DORIP1: variants seen among roughly 807,000 people sequenced by gnomAD.
DORIP1 encodes dopamine receptor interacting protein 1, also known as dopamine receptor-interacting protein 1.
chr14:44,905,511 CTTG>C, the DORIP1 span: 923 of 1,542,236 alleles, frequency 6.0e-4, 1 homozygote, highest in Admixed American at 2.5e-3. Flanking sequence ...AGTTTCTCCT[CTTG>C]TCATCATTGG....
At chr14:44,904,487 A>G in the DORIP1 span, 2 of 1,611,894 alleles carry the variant, frequency 1.2e-6, no homozygotes, top group Non-Finnish European at 1.7e-6. Flanking sequence ...AAATCTGAAG[A>G]TCTGGCGTAT....
chr14:44,899,050 A>G, the DORIP1 span: 20 of 152,148 alleles, frequency 1.3e-4, no homozygotes, highest in Non-Finnish European at 2.1e-4. Context: ...CCCTTTTTTC[A>G]TAACAATACT....
chr14:44,899,958 A>G, the DORIP1 span, among the ~76,000 whole-genome samples: 6 of 150,772 alleles, frequency 4.0e-5, no homozygotes, highest in African/African-American at 1.5e-4. Context: ...CAGCCTCCCG[A>G]GTAGCTGGGA....
At chr14:44,906,168 T>G in the DORIP1 span, 1 of 151,760 alleles carries the variant, frequency 6.6e-6, no homozygotes, top group Non-Finnish European at 1.5e-5. Flanking sequence ...TTTTAACTAC[T>G]TCCTAAAGTA....
chr14:44,904,605 C>T, the DORIP1 span: 2 of 1,331,336 alleles, frequency 1.5e-6, no homozygotes, highest in Non-Finnish European at 2.0e-6. Context: ...TTTTGACTAG[C>T]CCTTAAGAGA....
At chr14:44,897,950 T>C in the DORIP1 span, among the ~76,000 whole-genome samples, 14 of 152,228 alleles carry the variant, frequency 9.2e-5, no homozygotes, top group African/African-American at 3.1e-4. Flanking sequence ...CCTTAGGGAG[T>C]CTGGCGTTCA....
the DORIP1 span, chr14:44,904,557 TAA>T: frequency 6.5e-7 from 1 of 1,542,058 alleles, no homozygotes; most frequent in Middle Eastern, 1.8e-4. Context: ...TGTTTCTTTA[TAA>T]AACTAATAAA....
At chr14:44,902,736 AC>A in the DORIP1 span, among the ~76,000 whole-genome samples, 2 of 152,108 alleles carry the variant, frequency 1.3e-5, no homozygotes, top group African/African-American at 2.4e-5. Flanking sequence ...ATACTCTATA[AC>A]TTTTAAGTTT....
At chr14:44,904,721 T>C in the DORIP1 span, 4 of 544,166 alleles carry the variant, frequency 7.4e-6, no homozygotes, top group African/African-American at 7.8e-5. Flanking sequence ...TGGGTAGGTG[T>C]GTGGACTACA....
At chr14:44,903,261 A>T in the DORIP1 span, 20 of 1,613,454 alleles carry the variant, frequency 1.2e-5, 1 homozygote, top group South Asian at 2.1e-4. Flanking sequence ...TGAATGAGTT[A>T]TTCTGTTCCA....
At chr14:44,905,586 C>A in the DORIP1 span, 1 of 1,369,574 alleles carries the variant, frequency 7.3e-7, no homozygotes, top group South Asian at 1.7e-5. Flanking sequence ...TTCCCTCCTG[C>A]CCATGCTCTC....
At chr14:44,903,923 T>C in the DORIP1 span, 151 of 978,364 alleles carry the variant, frequency 1.5e-4, no homozygotes, top group Non-Finnish European at 1.7e-4. Flanking sequence ...TTCCGGTTAA[T>C]CAAGATTTTA....
chr14:44,906,988 G>A, the DORIP1 span: 3 of 152,036 alleles, frequency 2.0e-5, no homozygotes, highest in Non-Finnish European at 4.4e-5. Flanking sequence ...ATTTAATTTA[G>A]AGTAAACTTT....
At chr14:44,900,852 T>C in the DORIP1 span, 18 of 1,613,968 alleles carry the variant, frequency 1.1e-5, no homozygotes, top group South Asian at 2.0e-4. Flanking sequence ...ATGATAATTT[T>C]ACAAAAAATC....
the DORIP1 span, chr14:44,906,409 A>T: frequency 6.6e-6 from 1 of 152,108 alleles, no homozygotes; most frequent in Non-Finnish European, 1.5e-5. Flanking sequence ...TTTAAGGGGA[A>T]ATGCGTGCCT....
At chr14:44,901,769 CATGTGG>C in the DORIP1 span, among the ~76,000 whole-genome samples, 1 of 152,152 alleles carries the variant, frequency 6.6e-6, no homozygotes, top group East Asian at 1.9e-4. Context: ...TGGCATCTCA[CATGTGG>C]ATGTGGATGT....
the DORIP1 span, among the ~76,000 whole-genome samples, chr14:44,898,199 TC>T: frequency 6.6e-6 from 1 of 152,194 alleles, no homozygotes; most frequent in Non-Finnish European, 1.5e-5. Flanking sequence ...GTAAAGCTCT[TC>T]ACAGCTATCT....
At chr14:44,902,763 A>G in the DORIP1 span, among the ~76,000 whole-genome samples, 1 of 152,238 alleles carries the variant, frequency 6.6e-6, no homozygotes, top group South Asian at 2.1e-4. Flanking sequence ...TACTTTTTAA[A>G]AAATCCTATA....
At chr14:44,900,349 T>G in the DORIP1 span, 2 of 1,220,460 alleles carry the variant, frequency 1.6e-6, no homozygotes, top group Non-Finnish European at 2.2e-6. Context: ...AGTCTTTAGA[T>G]GGATTTATTT....
Sources: gnomAD v4.1 joint callset for allele counts (sites outside exome capture counted in the v4.1 genomes callset) on GRCh38, gnomAD v4.1.1 for gene constraint, MANE v1.5 for transcripts, NCBI Gene and HGNC (gene_info 2026-07-23, HGNC 2026-07-21) for gene names.